CCND2: variants seen among roughly 807,000 people sequenced by gnomAD.
The protein encoded by CCND2 is cyclin D2, also known as G1/S-specific cyclin-D2.
Under a neutral mutation model 30.2 loss-of-function variants are expected in CCND2, and 6 were observed. That is an observed-to-expected ratio of 0.20 (90% CI 0.11 to 0.39). CCND2 has a LOEUF of 0.39. Among genes scored for constraint, CCND2 ranks in the 10% least tolerant of loss-of-function variants. The pLI is 1.00. For missense variants in CCND2, 235 were observed against 373.4 expected, an observed-to-expected ratio of 0.63 and a Z score of 3.06; for synonymous variants, 150 against 153.1, an observed-to-expected ratio of 0.98 and a Z score of 0.15.
chr12:4,278,999 A>C, intron 3 of CCND2, 80 bp downstream of exon 3: 1 of 1,431,408 alleles, frequency 7.0e-7, no homozygotes, highest in Non-Finnish European at 9.5e-7. Context: ...AGGCCGTAGG[A>C]ACTTTCATTT....
At chr12:4,294,992 G>A (rs3217896) in intron 4 of CCND2, among the ~76,000 whole-genome samples, 44,192 of 152,112 alleles carry the variant, frequency 0.29, 7,150 homozygotes, top group Middle Eastern at 0.49. Context: ...GGCAAGACCC[G>A]GGCGATGTGG....
intron 3 of CCND2, among the ~76,000 whole-genome samples, chr12:4,284,842 T>C (rs1305001244): frequency 1.3e-5 from 2 of 151,942 alleles, no homozygotes; most frequent in African/African-American, 4.8e-5. Flanking sequence ...TTCAAGTGAT[T>C]CTCTTGCCCA....
In CCND2 at chr12:4,282,201, G is replaced by A. The variant is rs568048546; in HGVS notation, c.571+3282G>A. Among the ~76,000 whole-genome samples the A allele has an allele frequency of 6.6e-6, 1 of 152,274 alleles. No homozygotes were observed. Among genetic ancestry groups the A allele is most frequent in the South Asian group, 2.1e-4 (1 of 4,830 alleles). ...TTCCAGTTAGTCTAGCAGAGCCAAT[G>A]GCATTGAGTTTACACCTGGCACCGG... On this transcript the variant is annotated intron_variant, in intron 3 of 4. Transcript: ENST00000261254. This position sits in a 1 kb window ranked among gnomAD's most constrained non-coding sequence, Gnocchi z 4.3.
At chr12:4,289,114 C>T in intron 4 of CCND2, 124 bp downstream of exon 4, 1 of 863,502 alleles carries the variant, frequency 1.2e-6, no homozygotes, top group Non-Finnish European at 1.6e-6. Context: ...GATCGACATC[C>T]AAGGGAGTGC....
chr12:4,302,438 C>T lies in CCND2; in HGVS notation c.*2429C>T, dbSNP rs964237339. On this transcript the variant is annotated 3_prime_UTR_variant, in exon 5 of 5. Coordinates refer to ENST00000261254, the MANE Select transcript of CCND2 (RefSeq NM_001759.4). ...AGCGGGGCTTCATCTGCAAAGGGCC[C>T]TTTCATCTTGAAGTTTTTCCCCTCC... The T allele has an allele frequency of 4.3e-6, 1 of 232,984 alleles. No individual in the cohort carries two copies. The highest frequency in any genetic ancestry group is 2.2e-5 in the African/African-American group (1 of 45,296). The allele number at this position is 232,984 out of a possible 1,614,324, so 14.4% of individuals were successfully genotyped here.
intron 4 of CCND2, among the ~76,000 whole-genome samples, chr12:4,291,869 A>G (rs1203771135): frequency 6.6e-6 from 1 of 152,220 alleles, no homozygotes; most frequent in Non-Finnish European, 1.5e-5. Context: ...CAAATACTGT[A>G]TGATTCCACT....
At chr12:4,290,260 C>T (rs1376580752) in intron 4 of CCND2, among the ~76,000 whole-genome samples, 12 of 152,178 alleles carry the variant, frequency 7.9e-5, no homozygotes, top group Admixed American at 4.6e-4. Flanking sequence ...GAGATGCTGA[C>T]GGAGCAAATC....
chr12:4,295,782 A>G (rs1166436858), intron 4 of CCND2, among the ~76,000 whole-genome samples: 3 of 152,256 alleles, frequency 2.0e-5, no homozygotes, highest in African/African-American at 7.2e-5. Flanking sequence ...CTCAAAAAAC[A>G]AAACAAAAGC....
rs1262048964 is a variant in CCND2, at chr12:4,278,828, T to C, written c.480T>C (p.Ile160=). 1 of 1,614,124 alleles carries C rather than the reference T, an allele frequency of 6.2e-7. No individual in the cohort carries two copies. The highest frequency in any genetic ancestry group is 8.5e-7 in the Non-Finnish European group (1 of 1,180,050). ...NLAAVTPHDF[I]EHILRKLPQQ... The stretch of plus-strand genomic sequence containing the variant: ...CAGCTGTCACTCCTCATGACTTCAT[T>C]GAGCACATCTTGCGCAAGCTGCCCC... Residue 160 remains isoleucine, a synonymous_variant, in exon 3 of 5, where the codon ATT becomes ATC. Transcript: ENST00000261254.
Position 4,300,202 on chromosome 12 carries a change from T to G in CCND2, c.*193T>G, listed in dbSNP as rs1037006204. 1.7e-5 allele frequency: 10 copies of G among 573,768 alleles called. No individual in the cohort carries two copies. Among genetic ancestry groups the G allele is most frequent in the African/African-American group, 1.3e-4 (7 of 53,806 alleles). 35.5% of individuals were successfully genotyped at this position (573,768 alleles called of 1,614,324 possible). On this transcript the variant is annotated 3_prime_UTR_variant, in exon 5 of 5. Transcript: ENST00000261254. Reference sequence around the variant, plus strand: ...AAACGGAATAATAAAAAGCATTTGGTGCCTATTTGAAGTACAGCATAAGGG... The same window carrying G: ...AAACGGAATAATAAAAAGCATTTGGGGCCTATTTGAAGTACAGCATAAGGG...
chr12:4,277,397 G>A (rs570553727), intron 2 of CCND2, among the ~76,000 whole-genome samples: 55 of 152,302 alleles, frequency 3.6e-4, no homozygotes, highest in African/African-American at 1.3e-3. Context: ...GCTTTACCCC[G>A]GCTGTACACA....
rs535806359 is a variant in CCND2, at chr12:4,289,286, C to T, written c.720+296C>T. Reference sequence around the variant, plus strand: ...TCTCAGTGGGTCTGAATTGTTGCTTCATTGCCATATTTGTACACGCTGCCA... The same window carrying T: ...TCTCAGTGGGTCTGAATTGTTGCTTTATTGCCATATTTGTACACGCTGCCA... On this transcript the variant is annotated intron_variant, in intron 4 of 4. Transcript: ENST00000261254. 7 of 211,024 alleles carry T rather than the reference C, an allele frequency of 3.3e-5. No homozygotes were observed. The South Asian group carries it at 4.8e-4, about 15-fold the overall frequency. 13.1% of individuals were successfully genotyped at this position (211,024 alleles called of 1,614,324 possible). A position where few individuals can be genotyped will look rare whatever the true frequency, so the allele number is the denominator to read the frequency against.
intron 4 of CCND2, among the ~76,000 whole-genome samples, chr12:4,292,210 A>G (rs1275368801): frequency 6.6e-6 from 1 of 152,264 alleles, no homozygotes; most frequent in East Asian, 1.9e-4. Flanking sequence ...TGTCTGAAAC[A>G]TTCTCGGGCC....
rs1863959580 is a variant in CCND2, at chr12:4,282,293, C to T, written c.571+3374C>T. On this transcript the variant is annotated intron_variant, in intron 3 of 4. Coordinates refer to ENST00000261254, the MANE Select transcript of CCND2 (RefSeq NM_001759.4). The surrounding 1 kb of genome is among the most constrained non-coding windows in gnomAD (Gnocchi z 4.3). ...CCCCTCTTTCTTCACTAGAAGCCCA[C>T]CCTAAGATGCTGCACCTTGGTATTT... Among the ~76,000 whole-genome samples, 1 of 152,164 alleles carries T rather than the reference C, an allele frequency of 6.6e-6. No individual in the cohort carries two copies. The highest frequency in any genetic ancestry group is 2.4e-5 in the African/African-American group (1 of 41,432).
chr12:4,300,039 G>A lies in CCND2; in HGVS notation c.*30G>A, dbSNP rs576728767. ...GCCAGTTGGGCCGAAAGAGAGAGAC[G>A]CGTCCATAATCTGGTCTCTTCTTCT... On this transcript the variant is annotated 3_prime_UTR_variant, in exon 5 of 5. Transcript: ENST00000261254. 39 of 1,602,568 alleles carry A rather than the reference G, an allele frequency of 2.4e-5. 1 individual carries two copies. Among genetic ancestry groups the A allele is most frequent in the South Asian group, 1.8e-4 (16 of 89,884 alleles).
rs1864218740 is a variant in CCND2 at position 4,299,496 on chromosome 12, AAGC to A, written c.721-362_721-360del. On this transcript the variant is annotated intron_variant, in intron 4 of 4. Coordinates refer to ENST00000261254, the MANE Select transcript of CCND2 (RefSeq NM_001759.4). This position sits in a 1 kb window ranked among gnomAD's most constrained non-coding sequence, Gnocchi z 5.2. ...CCACTTCCCAGCTTCCCCAGGCAGA[AAGC>A]ATCTGGTCGGCCCCTTGATTACCAG... 1.3e-5 allele frequency among the ~76,000 whole-genome samples: 2 copies of A among 152,160 alleles called. No homozygotes were observed.
In CCND2 at chr12:4,293,524, A is replaced by G. The variant is rs1407295063; in HGVS notation, c.720+4534A>G. Among the ~76,000 whole-genome samples, 2 of 152,228 alleles carry G rather than the reference A, an allele frequency of 1.3e-5. No individual in the cohort carries two copies. Among genetic ancestry groups the G allele is most frequent in the Non-Finnish European group, 2.9e-5 (2 of 68,044 alleles). On this transcript the variant is annotated intron_variant, in intron 4 of 4. Coordinates refer to ENST00000261254, the MANE Select transcript of CCND2 (RefSeq NM_001759.4). The surrounding 1 kb of genome is among the most constrained non-coding windows in gnomAD (Gnocchi z 4.9). ...AACCCGTCACCCAGACAGTGTACAC[A>G]GTACCCAATAGGGAGTGTTTCAACT...
intron 4 of CCND2, among the ~76,000 whole-genome samples, chr12:4,296,024 A>G (rs896577626): frequency 3.3e-5 from 5 of 152,214 alleles, no homozygotes; most frequent in Admixed American, 6.5e-5. Context: ...TCCTCCCTGT[A>G]GGGTTTTCTC....
In CCND2 at chr12:4,273,938, G is replaced by A. The variant is rs1863821775; in HGVS notation, c.-103G>A. ...AAACCCCCTATTTAGCCAAAGGAAG[G>A]AGGTCAGGGGAACGCTCTCCCCTCC... On this transcript the variant is annotated 5_prime_UTR_variant, in exon 1 of 5. Coordinates refer to ENST00000261254, the MANE Select transcript of CCND2 (RefSeq NM_001759.4). The surrounding 1 kb of genome is among the most constrained non-coding windows in gnomAD (Gnocchi z 5.9). The A allele has an allele frequency of 8.9e-7, 1 of 1,121,854 alleles. No individual in the cohort carries two copies. The highest frequency in any genetic ancestry group is 2.6e-5 in the Admixed American group (1 of 38,688). The allele number at this position is 1,121,854 out of a possible 1,614,324, so 69.5% of individuals were successfully genotyped here. A position where few individuals can be genotyped will look rare whatever the true frequency, so the allele number is the denominator to read the frequency against.
Sources: allele counts gnomAD v4.1 joint callset (sites outside exome capture counted in the v4.1 genomes callset), GRCh38; gene constraint gnomAD v4.1.1; non-coding constraint Gnocchi (gnomAD v3.1); transcripts MANE v1.5; gene names NCBI Gene and HGNC (gene_info 2026-07-23, HGNC 2026-07-21).